The following ZNF423 variants were observed in gnomAD, a reference collection of about 807,000 sequenced individuals.
ZNF423 encodes the protein Ebf-associated zinc finger protein.
Under a neutral mutation model 95.8 loss-of-function variants are expected in ZNF423, and 12 were observed. That is an observed-to-expected ratio of 0.13 (90% confidence interval 0.08 to 0.20). The LOEUF (loss-of-function observed/expected upper bound fraction) is 0.20. Ranked by LOEUF, ZNF423 falls within the 10% of genes least tolerant of loss-of-function variation. ZNF423 has a pLI of 1.00. For missense variants in ZNF423, 1,316 were observed against 1,737.1 expected, an observed-to-expected ratio of 0.76 and a Z score of 4.31; for synonymous variants, 749 against 711.9, an observed-to-expected ratio of 1.05 and a Z score of -0.83.
chr16:49,548,994 C>T lies in ZNF423; in HGVS notation c.3602-23500G>A, dbSNP rs79254233. ...TTCTCCTTTTCATTTTAACACAGGC[C>T]TATCTTGCATTTTTTTTCTTAAGTG... On this transcript the variant is annotated intron_variant, in intron 5 of 7. Coordinates refer to ENST00000563137, the MANE Select transcript of ZNF423 (RefSeq NM_001379286.1). Among the ~76,000 whole-genome samples, 519 of 152,290 alleles carry T rather than the reference C, an allele frequency of 3.4e-3. 3 individuals carry two copies. Among genetic ancestry groups the T allele is most frequent in the African/African-American group, 0.012 (504 of 41,542 alleles).
chr16:49,714,757 C>CA (rs11393701), intron 3 of ZNF423, among the ~76,000 whole-genome samples: 23,079 of 148,540 alleles, frequency 0.16, 1,827 homozygotes, highest in Non-Finnish European at 0.18. Context: ...CCCATCTCTA[C>CA]AAAAAAAAAA....
intron 5 of ZNF423, among the ~76,000 whole-genome samples, chr16:49,562,135 A>G (rs1970036080): frequency 6.6e-6 from 1 of 152,212 alleles, no homozygotes; most frequent in South Asian, 2.1e-4. Flanking sequence ...TCCCCAAATC[A>G]CGCAAATAAA....
chr16:49,604,397 C>T (rs938934780), intron 5 of ZNF423, among the ~76,000 whole-genome samples: 1 of 152,052 alleles, frequency 6.6e-6, no homozygotes, highest in Non-Finnish European at 1.5e-5. Context: ...GTGAAAACTT[C>T]AAAGGACAGA....
At chr16:49,767,667 C>G (rs1255425488) in intron 2 of ZNF423, among the ~76,000 whole-genome samples, 1 of 152,200 alleles carries the variant, frequency 6.6e-6, no homozygotes, top group Non-Finnish European at 1.5e-5. Context: ...AGGCCTCATC[C>G]TTTAATCCCA....
chr16:49,765,957 T>C (rs1026039507), intron 2 of ZNF423, among the ~76,000 whole-genome samples: 3 of 152,102 alleles, frequency 2.0e-5, no homozygotes, highest in African/African-American at 4.8e-5. Context: ...TTAATGAGAA[T>C]AGAGTTTCAC....
intron 5 of ZNF423, among the ~76,000 whole-genome samples, chr16:49,591,230 T>C (rs1287769428): frequency 6.6e-6 from 1 of 151,280 alleles, no homozygotes. Context: ...CCAAGCCAAG[T>C]GTACAAAAAT....
In ZNF423 at chr16:49,525,513, A is replaced by C; in HGVS notation, c.3602-19T>G. The C allele has an allele frequency of 6.2e-7, 1 of 1,613,696 alleles. No homozygotes were observed. The highest frequency in any genetic ancestry group is 8.5e-7 in the Non-Finnish European group (1 of 1,179,876). ...CCTTCCTCTGCAAGGAAAACCCGTGACCAGTCAGTGACCAGCATGCCATGT... is the reference window on the plus strand; with the variant it reads ...CCTTCCTCTGCAAGGAAAACCCGTGCCCAGTCAGTGACCAGCATGCCATGT... On this transcript the variant is annotated intron_variant, in intron 5 of 7. Coordinates refer to ENST00000563137, the MANE Select transcript of ZNF423 (RefSeq NM_001379286.1).
chr16:49,847,268 C>G (rs1037167837), intron 1 of ZNF423: 3 of 152,240 alleles, frequency 2.0e-5, no homozygotes, highest in African/African-American at 7.2e-5. Flanking sequence ...GTGGACAAAA[C>G]AGCCATTCTT....
intron 5 of ZNF423, among the ~76,000 whole-genome samples, chr16:49,588,164 G>A (rs1184132445): frequency 1.3e-5 from 2 of 152,244 alleles, no homozygotes; most frequent in African/African-American, 4.8e-5. Flanking sequence ...CTAGGGTGGA[G>A]AGTCTGAGAC....
chr16:49,749,888 C>T (rs1200222768), intron 2 of ZNF423, among the ~76,000 whole-genome samples: 1 of 152,186 alleles, frequency 6.6e-6, no homozygotes, highest in African/African-American at 2.4e-5. Flanking sequence ...GGAGATTCTC[C>T]CTCCCGCGAA....
At chr16:49,556,733 C>T (rs66511642) in intron 5 of ZNF423, among the ~76,000 whole-genome samples, 30,525 of 152,164 alleles carry the variant, frequency 0.2, 3,439 homozygotes, top group East Asian at 0.4. Context: ...GTAAATGCCT[C>T]GTGTACTTAT....
At chr16:49,739,331 C>T (rs116608297) in intron 2 of ZNF423, among the ~76,000 whole-genome samples, 1 of 152,114 alleles carries the variant, frequency 6.6e-6, no homozygotes, top group Non-Finnish European at 1.5e-5. Flanking sequence ...GCGTCAAACC[C>T]GGAGGGGTCT....
intron 1 of ZNF423, among the ~76,000 whole-genome samples, chr16:49,849,844 C>T (rs779659928): frequency 2.6e-5 from 4 of 152,204 alleles, no homozygotes; most frequent in African/African-American, 4.8e-5. Flanking sequence ...ACAACAGCAA[C>T]GTAACAAAGA....
In ZNF423 at chr16:49,638,057, G is replaced by A; in HGVS notation, c.1119C>T (p.Ala373=). The stretch of plus-strand genomic sequence containing the variant: ...AGTCGGGTGTGGCGCTGCTCATGGA[G>A]GCCACGCTGCCCAGTACAGGGTCGG... The part of the protein sequence containing the change: ...VSPDPVLGSV[A]SMSSATPDSS... The change falls in exon 4 of 8, where the codon GCC becomes GCT. Residue 373 remains alanine (A), a synonymous_variant. Transcript: ENST00000563137. This position sits in a 1 kb window ranked among gnomAD's most constrained non-coding sequence, Gnocchi z 5.6. 4 of 1,613,968 alleles carry A rather than the reference G, an allele frequency of 2.5e-6. No individual in the cohort carries two copies. Among genetic ancestry groups the A allele is most frequent in the Non-Finnish European group, 3.4e-6 (4 of 1,180,008 alleles).
At chr16:49,515,220 T>C (rs1968087206) in intron 7 of ZNF423, among the ~76,000 whole-genome samples, 1 of 152,264 alleles carries the variant, frequency 6.6e-6, no homozygotes. Flanking sequence ...TGCACAGCCC[T>C]GGCCCCGCGC....
chr16:49,698,782 G>C (rs937286613), intron 3 of ZNF423, among the ~76,000 whole-genome samples: 1 of 152,216 alleles, frequency 6.6e-6, no homozygotes, highest in Non-Finnish European at 1.5e-5. Flanking sequence ...CCGCGCTGCC[G>C]AGCCCGGCCG....
intron 7 of ZNF423, among the ~76,000 whole-genome samples, chr16:49,498,673 C>T (rs1308759463): frequency 6.6e-6 from 1 of 152,210 alleles, no homozygotes; most frequent in Non-Finnish European, 1.5e-5. Flanking sequence ...CCCTGGAAAA[C>T]CTTCCCCTTT....
At chr16:49,736,930 T>A (rs927363765) in intron 2 of ZNF423, among the ~76,000 whole-genome samples, 2 of 152,100 alleles carry the variant, frequency 1.3e-5, no homozygotes, top group African/African-American at 4.8e-5. Context: ...GATGGCCCCA[T>A]GCCCTCTAGA....
chr16:49,791,196 T>A (rs2143833222), intron 1 of ZNF423, among the ~76,000 whole-genome samples: 1 of 152,312 alleles, frequency 6.6e-6, no homozygotes, highest in Non-Finnish European at 1.5e-5. Context: ...ATCAAGACAA[T>A]GAAATGCACA....
Sources: allele counts gnomAD v4.1 joint callset (sites outside exome capture counted in the v4.1 genomes callset), GRCh38; gene constraint gnomAD v4.1.1; non-coding constraint Gnocchi (gnomAD v3.1); transcripts MANE v1.5; gene names NCBI Gene and HGNC (gene_info 2026-07-23, HGNC 2026-07-21).